The following CCSER1 variants were observed in gnomAD, a reference collection of about 807,000 sequenced individuals.
The protein encoded by CCSER1 is coiled-coil serine rich protein 1.
In CCSER1, 41 loss-of-function variants were observed where a neutral mutation model predicts 82.0. The ratio of observed to expected loss-of-function variants is 0.50; its 90% CI spans 0.39 to 0.65. CCSER1 has a LOEUF of 0.65. Among genes scored for constraint, CCSER1 ranks in the 30% least tolerant of loss-of-function variants. The probability of loss-of-function intolerance (pLI) is 0.00; values close to 1 mark genes in which losing one functional copy is unlikely to be tolerated. For missense variants in CCSER1, 1,119 were observed against 1,064.2 expected, an observed-to-expected ratio of 1.05 and a Z score of -0.72; for synonymous variants, 414 against 383.9, an observed-to-expected ratio of 1.08 and a Z score of -0.92.
intron 5 of CCSER1, among the ~76,000 whole-genome samples, chr4:90,506,076 T>G (rs1277994181): frequency 2.0e-5 from 3 of 152,190 alleles, no homozygotes; most frequent in African/African-American, 7.2e-5. Flanking sequence ...CCTCTGTACC[T>G]TCCTCAGACC....
rs181059372 is a variant in CCSER1 at position 90,877,911 on chromosome 4, A to C, written c.2095-45459A>C. Among the ~76,000 whole-genome samples, 636 of 152,194 alleles carry C rather than the reference A, an allele frequency of 4.2e-3. 2 individuals carry two copies. The highest frequency in any genetic ancestry group is 6.8e-3 in the Middle Eastern group (2 of 294). On this transcript the variant is annotated intron_variant, in intron 8 of 10. Transcript: ENST00000509176. ...ATTAGTCCCTTTAGTTTTAGTGGAAAAAAACATCAGTTACTATCCAAATTA... is the reference window on the plus strand; with the variant it reads ...ATTAGTCCCTTTAGTTTTAGTGGAACAAAACATCAGTTACTATCCAAATTA...
intron 9 of CCSER1, among the ~76,000 whole-genome samples, chr4:90,967,015 A>T (rs1360875966): frequency 2.0e-5 from 3 of 152,132 alleles, no homozygotes; most frequent in Non-Finnish European, 1.5e-5. Flanking sequence ...TGAAGCTAAA[A>T]TAATCAAGGG....
chr4:90,930,946 GAC>G (rs1729704380), intron 9 of CCSER1, among the ~76,000 whole-genome samples: 1 of 99,132 alleles, frequency 1.0e-5, no homozygotes, highest in African/African-American at 3.4e-5. Flanking sequence ...ATATACACAT[GAC>G]ATATATATAC....
intron 10 of CCSER1, among the ~76,000 whole-genome samples, chr4:91,349,173 C>A (rs1457770312): frequency 6.6e-6 from 1 of 152,146 alleles, no homozygotes; most frequent in South Asian, 2.1e-4. Flanking sequence ...TCCCAAAGTG[C>A]TGGGATTACA....
chr4:90,666,497 A>G (rs933520509), intron 6 of CCSER1, among the ~76,000 whole-genome samples: 108 of 152,334 alleles, frequency 7.1e-4, no homozygotes, highest in Admixed American at 1.4e-3. Context: ...ACTAAAGTCA[A>G]TGACATATCT....
chr4:91,394,883 T>C (rs1043667486), intron 10 of CCSER1, among the ~76,000 whole-genome samples: 2 of 151,604 alleles, frequency 1.3e-5, no homozygotes, highest in African/African-American at 4.8e-5. Flanking sequence ...CTCTGATGAG[T>C]GACCTACATT....
intron 5 of CCSER1, among the ~76,000 whole-genome samples, chr4:90,577,485 T>G (rs1780896704): frequency 6.6e-6 from 1 of 152,170 alleles, no homozygotes; most frequent in South Asian, 2.1e-4. Flanking sequence ...GATTTCTCCT[T>G]CAATAAGTTG....
chr4:91,166,530 A>C (rs1258171239), intron 10 of CCSER1, among the ~76,000 whole-genome samples: 1 of 152,246 alleles, frequency 6.6e-6, no homozygotes, highest in Non-Finnish European at 1.5e-5. Context: ...CTACTTTTTA[A>C]AATGTTGTTT....
At chr4:90,148,156 C>A (rs1726160383) in intron 1 of CCSER1, among the ~76,000 whole-genome samples, 1 of 151,950 alleles carries the variant, frequency 6.6e-6, no homozygotes, top group Non-Finnish European at 1.5e-5. Context: ...TACAGCAATA[C>A]CCTGTCTCAA....
intron 10 of CCSER1, among the ~76,000 whole-genome samples, chr4:91,137,215 T>C (rs1581625035): frequency 8.5e-6 from 1 of 117,668 alleles, no homozygotes; most frequent in South Asian, 3.3e-4. Context: ...CATGTGTCCA[T>C]GTGATCTCAT....
At chr4:90,602,755 G>C (rs1015725882) in intron 5 of CCSER1, among the ~76,000 whole-genome samples, 1 of 152,120 alleles carries the variant, frequency 6.6e-6, no homozygotes, top group Non-Finnish European at 1.5e-5. Flanking sequence ...CAATATAGAA[G>C]AGTGCAGGTG....
intron 4 of CCSER1, among the ~76,000 whole-genome samples, chr4:90,403,024 A>G (rs1401680600): frequency 6.6e-6 from 1 of 152,176 alleles, no homozygotes; most frequent in Non-Finnish European, 1.5e-5. Flanking sequence ...ACTTAGAGTG[A>G]CTTTGGATTG....
chr4:90,374,014 T>C (rs1747896720), intron 3 of CCSER1, among the ~76,000 whole-genome samples: 1 of 152,196 alleles, frequency 6.6e-6, no homozygotes, highest in Non-Finnish European at 1.5e-5. Context: ...AAAGTCCTTT[T>C]CCTTCTGACC....
intron 6 of CCSER1, among the ~76,000 whole-genome samples, chr4:90,646,012 A>G (rs1316107528): frequency 6.6e-6 from 1 of 152,186 alleles, no homozygotes; most frequent in African/African-American, 2.4e-5. Context: ...AATATCTGTC[A>G]AAGTTATATT....
intron 1 of CCSER1, among the ~76,000 whole-genome samples, chr4:90,236,924 T>C (rs1745908260): frequency 1.3e-5 from 2 of 152,160 alleles, no homozygotes; most frequent in Admixed American, 1.3e-4. Flanking sequence ...TAGGTTTTCT[T>C]AATTTTAAAG....
At chr4:90,582,397 T>C (rs1781504217) in intron 5 of CCSER1, among the ~76,000 whole-genome samples, 2 of 152,144 alleles carry the variant, frequency 1.3e-5, no homozygotes, top group Non-Finnish European at 2.9e-5. Context: ...AGTTAGGAAC[T>C]CTTTAAATTT....
intron 10 of CCSER1, among the ~76,000 whole-genome samples, chr4:91,164,131 A>G (rs1341619645): frequency 6.6e-6 from 1 of 152,148 alleles, no homozygotes; most frequent in Non-Finnish European, 1.5e-5. Context: ...CCTGGTGGTG[A>G]CAAAATCTCT....
intron 10 of CCSER1, among the ~76,000 whole-genome samples, chr4:91,430,451 A>G (rs1341111621): frequency 6.6e-6 from 1 of 152,188 alleles, no homozygotes; most frequent in African/African-American, 2.4e-5. Flanking sequence ...ACTATTGATT[A>G]TTTTGCTTAC....
At chr4:90,437,924 G>T (rs745639986) in intron 4 of CCSER1, among the ~76,000 whole-genome samples, 1 of 152,086 alleles carries the variant, frequency 6.6e-6, no homozygotes, top group Non-Finnish European at 1.5e-5. Flanking sequence ...ATCAACAATA[G>T]TTAAAAATAT....
Sources: allele counts gnomAD v4.1 joint callset (sites outside exome capture counted in the v4.1 genomes callset), GRCh38; gene constraint gnomAD v4.1.1; transcripts MANE v1.5; gene names NCBI Gene and HGNC (gene_info 2026-07-23, HGNC 2026-07-21).